The following EPOR variants were observed in gnomAD, a reference collection of about 807,000 sequenced individuals.
EPOR encodes the protein erythropoietin receptor.
A neutral mutation model predicts 34.3 loss-of-function variants in EPOR; 20 were observed. The ratio of observed to expected loss-of-function variants is 0.58; its 90% CI spans 0.41 to 0.85. The LOEUF is 0.85. EPOR is among the 40% of genes least tolerant of loss of function. The pLI is 0.00. For synonymous variants in EPOR, 312 were observed against 299.0 expected, an observed-to-expected ratio of 1.04 and a Z score of -0.45; for missense variants, 601 against 672.7, an observed-to-expected ratio of 0.89 and a Z score of 1.18.
intron 2 of EPOR, among the ~76,000 whole-genome samples, 197 bp from the exon 3 acceptor site, chr19:11,382,302 G>A (rs1379635602): frequency 1.3e-5 from 2 of 152,004 alleles, no homozygotes; most frequent in African/African-American, 4.8e-5. Flanking sequence ...TGGGGCTTAA[G>A]GGATCCTCCC....
rs1599420850 is a variant in EPOR at position 11,383,577 on chromosome 19, G to A, written c.116-345C>T. 6 of 279,608 alleles carry A rather than the reference G, an allele frequency of 2.1e-5. No homozygotes were observed. The highest frequency in any genetic ancestry group is 3.4e-5 in the Non-Finnish European group (5 of 146,412). The allele number at this position is 279,608 out of a possible 1,614,324, so 17.3% of individuals were successfully genotyped here. On this transcript the variant is annotated intron_variant, in intron 1 of 7. Transcript: ENST00000222139. The surrounding 1 kb of genome is among the most constrained non-coding windows in gnomAD (Gnocchi z 4.9). ...GCTGGGGGTGTGTGCGGAGAGGCGG[G>A]CCCCCTATCGGCCCCGGCAGGCTCC... is the stretch of plus-strand genomic sequence containing the variant.
In EPOR at chr19:11,383,234, T is replaced by C. The variant is rs1386981921; in HGVS notation, c.116-2A>G. On this transcript the variant is annotated splice_acceptor_variant, in intron 1 of 7. Transcript: ENST00000222139. LOFTEE classifies it high-confidence loss of function. The surrounding 1 kb of genome is among the most constrained non-coding windows in gnomAD (Gnocchi z 4.9). ...GCCCCCGGGCCGCCAGCAAGGCCGC[T>C]GGGGAGGGGCGACAAAGGAAGGGCA... 16 of 1,592,692 alleles carry C rather than the reference T, an allele frequency of 1.0e-5. No homozygotes were observed. The highest frequency in any genetic ancestry group is 1.4e-5 in the Non-Finnish European group (16 of 1,171,478).
chr19:11,378,430 T>G lies in EPOR; in HGVS notation c.1081A>C (p.Ser361Arg), dbSNP rs1473420374. 6.2e-7 allele frequency: 1 copy of G among 1,614,080 alleles called. No homozygotes were observed. The highest frequency in any genetic ancestry group is 2.2e-5 in the East Asian group (1 of 44,884). ...DEGPLLEPVG[S>R]EHAQDTYLVL... ...AGATAGGTATCCTGGGCATGCTCAC[T>G]GCCCACTGGCTCCAGCAGGGGGCCC... is the stretch of plus-strand genomic sequence containing the variant. Residue 361 changes from serine (S) to arginine (R), a missense_variant, in exon 8 of 8, where the codon AGT becomes CGT. By Grantham distance (110) the Ser-to-Arg change is moderately radical. Coordinates refer to ENST00000222139, the MANE Select transcript of EPOR (RefSeq NM_000121.4). The surrounding 1 kb of genome is among the most constrained non-coding windows in gnomAD (Gnocchi z 5.3).
intron 6 of EPOR, among the ~76,000 whole-genome samples, chr19:11,379,317 C>T (rs1968324821): frequency 6.6e-6 from 1 of 152,130 alleles, no homozygotes; most frequent in South Asian, 2.1e-4. Flanking sequence ...CACGGTGGCT[C>T]ATGCCTATAA....
chr19:11,380,463 G>A (rs568041131), intron 6 of EPOR, among the ~76,000 whole-genome samples: 1 of 152,348 alleles, frequency 6.6e-6, no homozygotes, highest in East Asian at 1.9e-4. Context: ...AAGCTTGGGG[G>A]TGTGAAACCA....
chr19:11,381,912 C>G lies in EPOR; in HGVS notation c.427+18G>C. On this transcript the variant is annotated intron_variant, in intron 3 of 7. Coordinates refer to ENST00000222139, the MANE Select transcript of EPOR (RefSeq NM_000121.4). This position sits in a 1 kb window ranked among gnomAD's most constrained non-coding sequence, Gnocchi z 5.3. ...AGACCCTCTCCTCCGACCACTCCTC[C>G]ATTCCCAGAGCACTTACCTACTTCA... 1 of 1,614,234 alleles carries G rather than the reference C, an allele frequency of 6.2e-7. No homozygotes were observed.
In EPOR at chr19:11,383,210, C is replaced by A; in HGVS notation, c.138G>T (p.Gly46=). The change falls in exon 2 of 8, where the codon GGG becomes GGT. Residue 46 remains glycine, a synonymous_variant. Transcript: ENST00000222139. This position sits in a 1 kb window ranked among gnomAD's most constrained non-coding sequence, Gnocchi z 4.9. ...CGGTGAAGCACAGAAGCTCTTCGGG[C>A]CCCCGGGCCGCCAGCAAGGCCGCTG... ...ESKAALLAAR[G]PEELLCFTER... is the part of the protein sequence containing the mutation. The A allele has an allele frequency of 6.2e-7, 1 of 1,602,662 alleles. No individual in the cohort carries two copies.
chr19:11,378,088 C>T lies in EPOR; in HGVS notation c.1423G>A (p.Gly475Arg), dbSNP rs756074310. ...CCATCGGATAAGCCCCCTTGGGCTC[C>T]CTGGGAGTCCCCTGAGCTGTAGTCA... ...STDYSSGDSQ[G>R]AQGGLSDGPY... The change falls in exon 8 of 8, where the codon GGA (glycine) becomes AGA (arginine). Residue 475 changes from glycine (G) to arginine (R), a missense_variant. Transcript: ENST00000222139. This position sits in a 1 kb window ranked among gnomAD's most constrained non-coding sequence, Gnocchi z 5.3. The T allele has an allele frequency of 4.3e-6, 7 of 1,613,888 alleles. No homozygotes were observed. Among genetic ancestry groups the T allele is most frequent in the Non-Finnish European group, 5.9e-6 (7 of 1,179,836 alleles).
rs911212838 is a variant in EPOR, at chr19:11,381,842, T to C, written c.435A>G (p.Leu145=). 1.2e-6 allele frequency: 2 copies of C among 1,613,988 alleles called. No individual in the cohort carries two copies. The highest frequency in any genetic ancestry group is 1.7e-6 in the Non-Finnish European group (2 of 1,179,978). ...RVIHINEVVL[L]DAPVGLVARL... ...GCGCCACCAGCCCCACGGGGGCGTC[T>C]AGGAGCACTGCAGGCATGGGGGTTG... Residue 145 remains leucine, a synonymous_variant, in exon 4 of 8, where the codon CTA becomes CTG. Transcript: ENST00000222139. The surrounding 1 kb of genome is among the most constrained non-coding windows in gnomAD (Gnocchi z 5.3).
chr19:11,383,244 C>A lies in EPOR; in HGVS notation c.116-12G>T. The A allele has an allele frequency of 6.3e-7, 1 of 1,584,852 alleles. No homozygotes were observed. Among genetic ancestry groups the A allele is most frequent in the Non-Finnish European group, 8.6e-7 (1 of 1,168,308 alleles). On this transcript the variant is annotated splice_polypyrimidine_tract_variant and intron_variant, in intron 1 of 7. Transcript: ENST00000222139. The surrounding 1 kb of genome is among the most constrained non-coding windows in gnomAD (Gnocchi z 4.9). ...CGCCAGCAAGGCCGCTGGGGAGGGG[C>A]GACAAAGGAAGGGCATGGGGGTCTG... is the stretch of plus-strand genomic sequence containing the variant.
chr19:11,381,837 G>C lies in EPOR; in HGVS notation c.440C>G (p.Ala147Gly), dbSNP rs1160930591. Reference protein sequence around the residue: ...IHINEVVLLDAPVGLVARLAD... With the variant: ...IHINEVVLLDGPVGLVARLAD... ...CAACCGCGCCACCAGCCCCACGGGG[G>C]CGTCTAGGAGCACTGCAGGCATGGG... Residue 147 changes from alanine (A) to glycine (G), a missense_variant, in exon 4 of 8, where the codon GCC becomes GGC. By Grantham distance (60) the Ala-to-Gly change is moderately conservative. Transcript: ENST00000222139. This position sits in a 1 kb window ranked among gnomAD's most constrained non-coding sequence, Gnocchi z 5.3. The C allele has an allele frequency of 6.2e-7, 1 of 1,614,082 alleles. No individual in the cohort carries two copies. The highest frequency in any genetic ancestry group is 8.5e-7 in the Non-Finnish European group (1 of 1,179,952).
chr19:11,381,458 A>G lies in EPOR; in HGVS notation c.585+234T>C. 4 of 669,942 alleles carry G rather than the reference A, an allele frequency of 6.0e-6. No individual in the cohort carries two copies. Among genetic ancestry groups the G allele is most frequent in the Non-Finnish European group, 1.0e-5 (4 of 398,500 alleles). The allele number at this position is 669,942 out of a possible 1,614,324, so 41.5% of individuals were successfully genotyped here. ...GCACTCGTAGAGGGACCCGGGCGCT[A>G]AAGGGGTCTAGGGTTACGGGCCGGA... On this transcript the variant is annotated intron_variant, in intron 4 of 7. Coordinates refer to ENST00000222139, the MANE Select transcript of EPOR (RefSeq NM_000121.4). This position sits in a 1 kb window ranked among gnomAD's most constrained non-coding sequence, Gnocchi z 5.3.
Position 11,381,683 on chromosome 19 carries a change from T to G in EPOR, c.585+9A>C, listed in dbSNP as rs1304837292. 6 of 1,600,758 alleles carry G rather than the reference T, an allele frequency of 3.7e-6. No individual in the cohort carries two copies. The highest frequency in any genetic ancestry group is 1.8e-4 in the Middle Eastern group (1 of 5,644). On this transcript the variant is annotated intron_variant, in intron 4 of 7. Transcript: ENST00000222139. This position sits in a 1 kb window ranked among gnomAD's most constrained non-coding sequence, Gnocchi z 5.3. ...GCTTTGGGGGCTGGGCCGTAGGGGC[T>G]GGCCTCACCCTCTGTACGCTCCCTG... is the stretch of plus-strand genomic sequence containing the variant.
chr19:11,383,621 A>C lies in EPOR; in HGVS notation c.116-389T>G. ...AGGCTCCCCGCCAACCGATAGCGCCAACCGTGCCCCCCGCCTCCCTCCCTC... is the reference window on the plus strand; with the variant it reads ...AGGCTCCCCGCCAACCGATAGCGCCCACCGTGCCCCCCGCCTCCCTCCCTC... On this transcript the variant is annotated intron_variant, in intron 1 of 7. Transcript: ENST00000222139. The surrounding 1 kb of genome is among the most constrained non-coding windows in gnomAD (Gnocchi z 4.9). 4.3e-6 allele frequency: 1 copy of C among 231,610 alleles called. No homozygotes were observed. The highest frequency in any genetic ancestry group is 8.5e-6 in the Non-Finnish European group (1 of 117,212). The allele number at this position is 231,610 out of a possible 1,614,324, so 14.3% of individuals were successfully genotyped here. A position where few individuals can be genotyped will look rare whatever the true frequency, so the allele number is the denominator to read the frequency against.
intron 6 of EPOR, among the ~76,000 whole-genome samples, chr19:11,380,615 A>T (rs1476530900): frequency 1.3e-5 from 2 of 152,230 alleles, no homozygotes; most frequent in Non-Finnish European, 2.9e-5. Context: ...TACAAAGGTG[A>T]TGACACTGGG....
Position 11,381,234 on chromosome 19 carries a change from AC to A in EPOR, c.586-26del. 1 of 1,548,614 alleles carries A rather than the reference AC, an allele frequency of 6.5e-7. No homozygotes were observed. The highest frequency in any genetic ancestry group is 8.7e-7 in the Non-Finnish European group (1 of 1,146,860). ...CCTGGGGGCGGAATCAGGGCGAGGG[AC>A]GCGTAGCAGACAAAAATAGATGACG... On this transcript the variant is annotated intron_variant, in intron 4 of 7. Coordinates refer to ENST00000222139, the MANE Select transcript of EPOR (RefSeq NM_000121.4). This position sits in a 1 kb window ranked among gnomAD's most constrained non-coding sequence, Gnocchi z 5.3.
At chr19:11,382,247 C>G (rs188092731) in intron 2 of EPOR, 142 bp from the exon 3 acceptor site, 17 of 718,968 alleles carry the variant, frequency 2.4e-5, no homozygotes, top group Non-Finnish European at 3.7e-5. Flanking sequence ...GTCGCCCAGG[C>G]TGGAGTGCAG....
In EPOR at chr19:11,378,072, A is replaced by T; in HGVS notation, c.1439T>A (p.Leu480Ter). The stretch of plus-strand genomic sequence containing the variant: ...AGGGTTGGAGTAGGGGCCATCGGAT[A>T]AGCCCCCTTGGGCTCCCTGGGAGTC... ...SGDSQGAQGGLSDGPYSNPYE... is the reference protein window; with the variant it reads ...SGDSQGAQGG The change falls in exon 8 of 8, where the codon TTA becomes TAA. Residue 480 changes from leucine to a stop codon, truncating the protein, a stop_gained. Coordinates refer to ENST00000222139, the MANE Select transcript of EPOR (RefSeq NM_000121.4). LOFTEE classifies it low-confidence loss of function (END_TRUNC). The surrounding 1 kb of genome is among the most constrained non-coding windows in gnomAD (Gnocchi z 5.3). 1 of 1,614,132 alleles carries T rather than the reference A, an allele frequency of 6.2e-7. No individual in the cohort carries two copies. Among genetic ancestry groups the T allele is most frequent in the Non-Finnish European group, 8.5e-7 (1 of 1,180,000 alleles).
Position 11,383,049 on chromosome 19 carries a change from C to A in EPOR, c.251+48G>T. The A allele has an allele frequency of 6.2e-7, 1 of 1,611,738 alleles. No homozygotes were observed. Among genetic ancestry groups the A allele is most frequent in the Non-Finnish European group, 8.5e-7 (1 of 1,179,680 alleles). On this transcript the variant is annotated intron_variant, in intron 2 of 7. Coordinates refer to ENST00000222139, the MANE Select transcript of EPOR (RefSeq NM_000121.4). This position sits in a 1 kb window ranked among gnomAD's most constrained non-coding sequence, Gnocchi z 4.9. ...GGCTACGACCTCCAGGGAGCTCTGC[C>A]CCACCCCCTCCCTCCGCCCTTGGAG...
Sources: allele counts gnomAD v4.1 joint callset (sites outside exome capture counted in the v4.1 genomes callset), GRCh38; gene constraint gnomAD v4.1.1; non-coding constraint Gnocchi (gnomAD v3.1); transcripts MANE v1.5; gene names NCBI Gene and HGNC (gene_info 2026-07-23, HGNC 2026-07-21).